RBFOX1: variants seen among roughly 807,000 people sequenced by gnomAD.
RBFOX1 encodes the protein RNA binding fox-1 homolog 1.
RBFOX1 carries 8 observed loss-of-function variants against 57.7 expected under a neutral mutation model. The observed-to-expected ratio is 0.14, with a 90% CI of 0.08 to 0.25. The LOEUF is 0.25. RBFOX1 is among the 10% of genes least tolerant of loss of function. The pLI is 1.00. For missense variants in RBFOX1, 611 were observed against 548.5 expected, an observed-to-expected ratio of 1.11 and a Z score of -1.14; for synonymous variants, 326 against 222.4, an observed-to-expected ratio of 1.47 and a Z score of -4.15.
intron 3 of RBFOX1, among the ~76,000 whole-genome samples, chr16:5,628,744 G>A (rs902938142): frequency 1.3e-5 from 2 of 152,200 alleles, no homozygotes; most frequent in East Asian, 3.8e-4. Context: ...CACCTGCCAA[G>A]TTCCAAGGGC....
intron 1 of RBFOX1, among the ~76,000 whole-genome samples, chr16:6,201,187 T>A (rs1035411121): frequency 3.9e-5 from 6 of 152,182 alleles, no homozygotes; most frequent in African/African-American, 1.4e-4. Context: ...GGTACCACAG[T>A]GGCTTTCTTC....
intron 5 of RBFOX1, among the ~76,000 whole-genome samples, chr16:7,540,003 C>T (rs1268945817): frequency 6.6e-6 from 1 of 152,148 alleles, no homozygotes; most frequent in Non-Finnish European, 1.5e-5. Flanking sequence ...CTCACTAAGC[C>T]CTAAAGCATA....
At chr16:7,501,698 C>T (rs1231179556) in intron 4 of RBFOX1, among the ~76,000 whole-genome samples, 1 of 152,180 alleles carries the variant, frequency 6.6e-6, no homozygotes, top group Non-Finnish European at 1.5e-5. Context: ...ATTGTTTTGT[C>T]AGTCTGTATC....
intron 2 of RBFOX1, among the ~76,000 whole-genome samples, chr16:6,569,078 G>A (rs2097307750): frequency 6.6e-6 from 1 of 152,198 alleles, no homozygotes; most frequent in Non-Finnish European, 1.5e-5. Context: ...TGCTACTTAA[G>A]AATACAGATT....
intron 4 of RBFOX1, among the ~76,000 whole-genome samples, chr16:7,510,602 A>G (rs760002619): frequency 3.9e-5 from 6 of 152,008 alleles, no homozygotes; most frequent in Non-Finnish European, 8.8e-5. Flanking sequence ...GTCCTTTTGC[A>G]TTTTTCTTCT....
intron 4 of RBFOX1, among the ~76,000 whole-genome samples, chr16:5,890,697 G>GAA (rs71404558): frequency 0.27 from 16,368 of 61,328 alleles, 2,424 homozygotes; most frequent in East Asian, 0.37. Flanking sequence ...AGTCTGTATT[G>GAA]AAAAAAAAAA....
intron 2 of RBFOX1, among the ~76,000 whole-genome samples, chr16:6,465,598 CTGTGTGTGTGTGTG>C (rs56131263): frequency 3.4e-5 from 5 of 144,962 alleles, no homozygotes; most frequent in East Asian, 4.2e-4. Flanking sequence ...ATGTATAGGG[CTGTGTGTGTGTGTG>C]TGTGTGTGTG....
At chr16:7,147,433 A>G (rs752540575) in intron 4 of RBFOX1, among the ~76,000 whole-genome samples, 13 of 151,982 alleles carry the variant, frequency 8.6e-5, no homozygotes, top group Non-Finnish European at 1.6e-4. Flanking sequence ...TGGTGGGCGT[A>G]GTACTTGGTA....
rs185428763 is a variant in RBFOX1 at position 7,697,713 on chromosome 16, C to A, written c.996-11343C>A. ...GCCAAAACCCTTCCCCTGGGTCACACTGCCTCCACACACACCTTTTTCTTC... is the reference window on the plus strand; with the variant it reads ...GCCAAAACCCTTCCCCTGGGTCACAATGCCTCCACACACACCTTTTTCTTC... On this transcript the variant is annotated intron_variant, in intron 14 of 15. Coordinates refer to ENST00000550418, the MANE Select transcript of RBFOX1 (RefSeq NM_018723.4). Among the ~76,000 whole-genome samples the A allele has an allele frequency of 3.9e-5, 6 of 152,290 alleles. No homozygotes were observed. In the East Asian group the frequency reaches 7.7e-4, roughly 20 times the overall value.
At chr16:7,002,365 C>T (rs1482882120) in intron 3 of RBFOX1, among the ~76,000 whole-genome samples, 1 of 152,166 alleles carries the variant, frequency 6.6e-6, no homozygotes. Context: ...CATGAAATTG[C>T]CCTGATATGA....
intron 3 of RBFOX1, among the ~76,000 whole-genome samples, chr16:6,742,046 G>T (rs964014996): frequency 6.6e-6 from 1 of 152,146 alleles, no homozygotes; most frequent in African/African-American, 2.4e-5. Context: ...ATTAACTTGA[G>T]TTAGCCATTC....
At chr16:6,144,922 G>A (rs868511617) in intron 1 of RBFOX1, among the ~76,000 whole-genome samples, 33 of 152,124 alleles carry the variant, frequency 2.2e-4, no homozygotes, top group African/African-American at 8.0e-4. Flanking sequence ...GAGTCTATTT[G>A]TATTCTGGAA....
chr16:7,214,633 G>C (rs566611390), intron 4 of RBFOX1, among the ~76,000 whole-genome samples: 1 of 151,990 alleles, frequency 6.6e-6, no homozygotes, highest in African/African-American at 2.4e-5. Context: ...GATCATGTCT[G>C]AGCTACTTAA....
At chr16:5,920,882 T>C (rs2058805777) in intron 4 of RBFOX1, among the ~76,000 whole-genome samples, 1 of 123,684 alleles carries the variant, frequency 8.1e-6, no homozygotes, top group South Asian at 2.5e-4. Context: ...GCACAGACAC[T>C]TCCTGCCCAA....
chr16:6,849,449 C>G (rs2093947977), intron 3 of RBFOX1, among the ~76,000 whole-genome samples: 2 of 152,274 alleles, frequency 1.3e-5, no homozygotes, highest in South Asian at 4.1e-4. Context: ...TGGTAGATCA[C>G]TTGAGGCCAG....
chr16:7,329,583 TAG>T (rs2096657367), intron 4 of RBFOX1, among the ~76,000 whole-genome samples: 1 of 152,206 alleles, frequency 6.6e-6, no homozygotes, highest in African/African-American at 2.4e-5. Context: ...GCTTTATGAT[TAG>T]TGGAAGGTTT....
intron 1 of RBFOX1, among the ~76,000 whole-genome samples, chr16:6,070,411 TG>T (rs1395567148): frequency 3.3e-5 from 5 of 152,220 alleles, no homozygotes; most frequent in Non-Finnish European, 7.3e-5. Context: ...CAAACACAGC[TG>T]AATGTAGTTC....
intron 4 of RBFOX1, among the ~76,000 whole-genome samples, chr16:7,094,777 G>GTGTGTGTGTGTGTGTGT (rs1567232668): frequency 3.7e-5 from 2 of 53,610 alleles, no homozygotes; most frequent in African/African-American, 5.1e-5. Context: ...TGTGTGTGTG[G>GTGTGTGTGTGTGTGTGT]GTGTGTGTGT....
At chr16:6,873,323 G>T (rs1265418586) in intron 3 of RBFOX1, among the ~76,000 whole-genome samples, 1 of 152,068 alleles carries the variant, frequency 6.6e-6, no homozygotes, top group Non-Finnish European at 1.5e-5. Context: ...TATGTTGGAG[G>T]GGGAAAAAGA....
Sources: gnomAD v4.1 joint callset for allele counts (sites outside exome capture counted in the v4.1 genomes callset) on GRCh38, gnomAD v4.1.1 for gene constraint, MANE v1.5 for transcripts, NCBI Gene and HGNC (gene_info 2026-07-23, HGNC 2026-07-21) for gene names.